SLC30A8: variants seen among roughly 807,000 people sequenced by gnomAD.
SLC30A8 encodes solute carrier family 30 member 8.
Under a neutral mutation model 36.9 loss-of-function variants are expected in SLC30A8, and 27 were observed. That is an observed-to-expected ratio of 0.73 (90% CI 0.54 to 1.01). The LOEUF (loss-of-function observed/expected upper bound fraction) is 1.01, where lower values mean the gene tolerates loss of function less well. SLC30A8 is among the 50% of genes least tolerant of loss of function. SLC30A8 has a pLI of 0.00. For synonymous variants in SLC30A8, 164 were observed against 172.4 expected, an observed-to-expected ratio of 0.95 and a Z score of 0.38; for missense variants, 439 against 452.0, an observed-to-expected ratio of 0.97 and a Z score of 0.26.
At chr8:117,045,541 G>A (rs1029937928) in intron 2 of SLC30A8, among the ~76,000 whole-genome samples, 1 of 152,140 alleles carries the variant, frequency 6.6e-6, no homozygotes, top group Non-Finnish European at 1.5e-5. Context: ...GGCAGCTTGT[G>A]CAGTTTTATT....
At chr8:117,056,119 T>TC (rs1817862786) in intron 2 of SLC30A8, 3 of 152,318 alleles carry the variant, frequency 2.0e-5, no homozygotes, top group Non-Finnish European at 4.4e-5. Flanking sequence ...CCAGTAAAGA[T>TC]GGTTGATGAT....
chr8:117,060,494 T>C (rs965813511), intron 2 of SLC30A8, among the ~76,000 whole-genome samples: 1 of 152,122 alleles, frequency 6.6e-6, no homozygotes, highest in Non-Finnish European at 1.5e-5. Context: ...GGGAGGTGCA[T>C]AGCCAAATAT....
intron 1 of SLC30A8, among the ~76,000 whole-genome samples, chr8:116,955,920 C>A (rs1199900629): frequency 6.6e-6 from 1 of 151,974 alleles, no homozygotes; most frequent in Non-Finnish European, 1.5e-5. Context: ...TCGTTTTGAG[C>A]CATCCAGTTT....
intron 4 of SLC30A8, among the ~76,000 whole-genome samples, chr8:117,160,831 C>T (rs1285108883): frequency 6.6e-6 from 1 of 152,134 alleles, no homozygotes; most frequent in Non-Finnish European, 1.5e-5. Context: ...GTGGTGATGA[C>T]CTGAGATTTA....
chr8:117,134,962 G>A (rs111414534), upstream of SLC30A8: 20 of 168,838 alleles, frequency 1.2e-4, no homozygotes, highest in Non-Finnish European at 2.0e-4. Context: ...CGTGTGCTCC[G>A]AAGGTCAAAA....
chr8:117,073,258 C>CTTT (rs35458253), intron 2 of SLC30A8, among the ~76,000 whole-genome samples: 1 of 140,266 alleles, frequency 7.1e-6, no homozygotes, highest in African/African-American at 2.6e-5. Context: ...ATTTCTTTCA[C>CTTT]TTTTTTTTTT....
chr8:117,017,909 T>G (rs1816570679), intron 1 of SLC30A8: 1 of 152,232 alleles, frequency 6.6e-6, no homozygotes, highest in Non-Finnish European at 1.5e-5. Context: ...TATATAATTT[T>G]GAGGTTTCTT....
intron 2 of SLC30A8, among the ~76,000 whole-genome samples, chr8:117,104,386 A>G (rs1446291343): frequency 6.6e-6 from 1 of 152,168 alleles, no homozygotes; most frequent in Non-Finnish European, 1.5e-5. Context: ...AATTCAGCCA[A>G]GTTTATTCTA....
intron 1 of SLC30A8, among the ~76,000 whole-genome samples, chr8:116,990,811 C>G (rs570074704): frequency 6.6e-6 from 1 of 152,262 alleles, no homozygotes; most frequent in South Asian, 2.1e-4. Context: ...AAACCTCGTA[C>G]TATCTTTGCA....
At chr8:117,003,388 C>T (rs953739133) in intron 1 of SLC30A8, among the ~76,000 whole-genome samples, 1 of 152,180 alleles carries the variant, frequency 6.6e-6, no homozygotes, top group Non-Finnish European at 1.5e-5. Flanking sequence ...TACTAGCTTA[C>T]TGAGTGTGTT....
chr8:116,980,098 CTT>C (rs1049023029), intron 1 of SLC30A8, among the ~76,000 whole-genome samples: 103 of 152,180 alleles, frequency 6.8e-4, no homozygotes, highest in African/African-American at 2.4e-3. Flanking sequence ...GCTTGAGAAA[CTT>C]TATATAACCT....
At chr8:117,154,214 T>C (rs1822352589) in intron 3 of SLC30A8, among the ~76,000 whole-genome samples, 1 of 152,160 alleles carries the variant, frequency 6.6e-6, no homozygotes, top group African/African-American at 2.4e-5. Context: ...TAAGGGTTTT[T>C]ACTTTGACTC....
At chr8:116,970,363 CA>C (rs1178231215) in intron 1 of SLC30A8, among the ~76,000 whole-genome samples, 1 of 152,154 alleles carries the variant, frequency 6.6e-6, no homozygotes, top group African/African-American at 2.4e-5. Flanking sequence ...GGCTGTTTTA[CA>C]GTTCACATTT....
In SLC30A8 at chr8:117,078,839, C is replaced by T. The variant is rs572084364; in HGVS notation, c.-226+39581C>T. ...AGTGGCTGGGATTATAGGTGCATGC[C>T]GCCACACCTAGCTAATTTTCTTATT... On this transcript the variant is annotated intron_variant, in intron 2 of 10. Coordinates refer to the SLC30A8 transcript ENST00000427715. 3.2e-3 allele frequency among the ~76,000 whole-genome samples: 483 copies of T among 152,136 alleles called. 7 individuals are homozygous for T. The highest frequency in any genetic ancestry group is 9.7e-3 in the African/African-American group (403 of 41,508).
chr8:117,031,949 G>T (rs181281795), intron 1 of SLC30A8, among the ~76,000 whole-genome samples: 150 of 152,202 alleles, frequency 9.9e-4, no homozygotes, highest in African/African-American at 3.5e-3. Flanking sequence ...TGGCTGGTAA[G>T]ATATTTCCTT....
At chr8:117,139,348 ACTCT>A (rs1156452701) in intron 1 of SLC30A8, among the ~76,000 whole-genome samples, 1 of 151,826 alleles carries the variant, frequency 6.6e-6, no homozygotes, top group East Asian at 1.9e-4. Context: ...CAGATAGCTC[ACTCT>A]CTCTCTCTTT....
intron 2 of SLC30A8, among the ~76,000 whole-genome samples, chr8:117,110,472 G>T (rs1820178627): frequency 6.6e-6 from 1 of 152,182 alleles, no homozygotes; most frequent in Non-Finnish European, 1.5e-5. Flanking sequence ...GGAAGGGCAA[G>T]ATGTCCTCTC....
chr8:117,131,457 G>A (rs1469829684), upstream of SLC30A8, among the ~76,000 whole-genome samples: 1 of 151,980 alleles, frequency 6.6e-6, no homozygotes, highest in African/African-American at 2.4e-5. Context: ...TGCCTCCCCT[G>A]TTGTGGAAGA....
upstream of SLC30A8, chr8:117,130,161 C>T (rs1203760160): frequency 6.6e-6 from 1 of 151,922 alleles, no homozygotes; most frequent in Non-Finnish European, 1.5e-5. Flanking sequence ...AGTTGTAACG[C>T]CTTGTGGTTG....
Sources: allele counts gnomAD v4.1 joint callset (sites outside exome capture counted in the v4.1 genomes callset), GRCh38; gene constraint gnomAD v4.1.1; transcripts MANE v1.5; gene names NCBI Gene and HGNC (gene_info 2026-07-23, HGNC 2026-07-21).